The following SF3A3 variants were observed in gnomAD, a reference collection of about 807,000 sequenced individuals.
SF3A3 encodes SAP 61.
Under a neutral mutation model 85.8 loss-of-function variants are expected in SF3A3, and 9 were observed. The observed-to-expected ratio is 0.10, with a 90% CI of 0.06 to 0.18. The LOEUF (loss-of-function observed/expected upper bound fraction) is 0.18, where lower values mean the gene tolerates loss of function less well. SF3A3 is among the 10% of genes least tolerant of loss of function. The pLI, the probability that SF3A3 is intolerant of heterozygous loss-of-function variation, is 1.00. For missense variants in SF3A3, 306 were observed against 593.3 expected, an observed-to-expected ratio of 0.52 and a Z score of 5.03; for synonymous variants, 195 against 204.4, an observed-to-expected ratio of 0.95 and a Z score of 0.39.
At chr1:37,972,908 C>T (rs969053147) in intron 12 of SF3A3, among the ~76,000 whole-genome samples, 6 of 152,100 alleles carry the variant, frequency 3.9e-5, no homozygotes, top group Non-Finnish European at 5.9e-5. Flanking sequence ...GGGCCGGGTG[C>T]GGTGGCTCAC....
chr1:37,980,774 G>T, intron 7 of SF3A3, 50 bp from the exon 8 acceptor site: 3 of 1,481,406 alleles, frequency 2.0e-6, no homozygotes, highest in Non-Finnish European at 2.7e-6. Flanking sequence ...TTCTATTTTT[G>T]GTATCTTGTT....
At chr1:37,984,955 A>C (rs4615810) in intron 4 of SF3A3, among the ~76,000 whole-genome samples, 176 bp from the exon 5 acceptor site, 1 of 152,158 alleles carries the variant, frequency 6.6e-6, no homozygotes, top group Non-Finnish European at 1.5e-5. Flanking sequence ...TTATAGGCAC[A>C]CACCACCACG....
Position 37,989,569 on chromosome 1 carries a change from G to C in SF3A3, c.123C>G (p.His41Gln), listed in dbSNP as rs1023496152. The change falls in exon 2 of 17, where the codon CAC becomes CAG. Residue 41 changes from histidine (H) to glutamine (Q), a missense_variant. This residue lies in a region of SF3A3 where 152 missense variants were observed against 192.0 expected (regional missense o/e 0.79). Coordinates refer to ENST00000373019, the MANE Select transcript of SF3A3 (RefSeq NM_006802.4). ...TCACATCTTGCATGGCCCGAGTGCG[G>C]TGATCAGAATTGATCTGGTCCCGGA... ...STLRDQINSD[H>Q]RTRAMQDRYM... 6.2e-7 allele frequency: 1 copy of C among 1,613,964 alleles called. No individual in the cohort carries two copies. The highest frequency in any genetic ancestry group is 1.3e-5 in the African/African-American group (1 of 74,922).
intron 6 of SF3A3, among the ~76,000 whole-genome samples, chr1:37,983,731 T>C (rs1157427908): frequency 6.6e-6 from 1 of 151,908 alleles, no homozygotes. Flanking sequence ...GGTCAGGAGT[T>C]TGTGACCAGC....
At chr1:37,974,323 G>A (rs1395030266) in intron 12 of SF3A3, among the ~76,000 whole-genome samples, 1 of 109,720 alleles carries the variant, frequency 9.1e-6, no homozygotes, top group Non-Finnish European at 1.8e-5. Flanking sequence ...TTTTTTTTGA[G>A]ATGGAGTCTT....
chr1:37,959,532 C>T (rs1237508396), intron 16 of SF3A3, among the ~76,000 whole-genome samples: 2 of 152,084 alleles, frequency 1.3e-5, no homozygotes, highest in African/African-American at 4.8e-5. Flanking sequence ...TGCCTCAGTC[C>T]CAATTAGCTG....
intron 2 of SF3A3, 68 bp from the exon 3 acceptor site, chr1:37,987,904 A>G (rs10890285): frequency 2.3e-6 from 3 of 1,297,826 alleles, no homozygotes; most frequent in South Asian, 1.2e-5. Flanking sequence ...GCAAACAACA[A>G]GGGTTCTCCA....
chr1:37,979,134 G>A, intron 9 of SF3A3, 79 bp from the exon 10 acceptor site: 2 of 1,154,152 alleles, frequency 1.7e-6, no homozygotes, highest in South Asian at 1.2e-5. Flanking sequence ...GAGGGTGGGT[G>A]TTCCTGAGGC....
chr1:37,973,143 C>T (rs1646354903), intron 12 of SF3A3, among the ~76,000 whole-genome samples: 1 of 152,024 alleles, frequency 6.6e-6, no homozygotes, highest in Non-Finnish European at 1.5e-5. Flanking sequence ...CATGCCACTA[C>T]ACTCCAGCCT....
intron 1 of SF3A3, 47 bp downstream of exon 1, chr1:37,989,819 CGGGA>C (rs749993502): frequency 1.3e-4 from 195 of 1,454,174 alleles, no homozygotes; most frequent in Non-Finnish European, 1.8e-4. Flanking sequence ...AGGTCAAACA[CGGGA>C]TAGAGGCTCG....
chr1:37,989,108 G>C (rs1486079034), intron 2 of SF3A3, among the ~76,000 whole-genome samples: 1 of 151,864 alleles, frequency 6.6e-6, no homozygotes, highest in Non-Finnish European at 1.5e-5. Flanking sequence ...TGACCAACAT[G>C]TTTAGTAGAA....
intron 15 of SF3A3, 121 bp from the exon 16 acceptor site, chr1:37,960,296 T>G: frequency 1.1e-6 from 1 of 877,178 alleles, no homozygotes; most frequent in Non-Finnish European, 1.8e-6. Context: ...TTGAGATTCT[T>G]GCCTACCCCA....
chr1:37,984,057 G>A, intron 6 of SF3A3, 112 bp downstream of exon 6: 1 of 555,170 alleles, frequency 1.8e-6, no homozygotes, highest in South Asian at 2.7e-5. Flanking sequence ...TTACATAAGA[G>A]TTTTAAAACA....
chr1:37,989,074 G>A (rs1451076747), intron 2 of SF3A3, among the ~76,000 whole-genome samples: 2 of 151,874 alleles, frequency 1.3e-5, no homozygotes, highest in African/African-American at 2.4e-5. Flanking sequence ...GGTGGATCAC[G>A]AGGTCAGGAG....
Position 37,957,984 on chromosome 1 carries a change from G to T in SF3A3, c.*202C>A. 1 of 553,578 alleles carries T rather than the reference G, an allele frequency of 1.8e-6. No homozygotes were observed. 34.3% of individuals were successfully genotyped at this position (553,578 alleles called of 1,614,324 possible). A position where few individuals can be genotyped will look rare whatever the true frequency, so the allele number is the denominator to read the frequency against. On this transcript the variant is annotated 3_prime_UTR_variant, in exon 17 of 17. Coordinates refer to ENST00000373019, the MANE Select transcript of SF3A3 (RefSeq NM_006802.4). ...AGAACAAGGTCTGGTTTTATTTTCT[G>T]GCAGAATCTTTTAAAATATAAAACA...
In SF3A3 at chr1:37,976,927, G is replaced by C; in HGVS notation, c.962C>G (p.Ala321Gly). The change falls in exon 12 of 17, where the codon GCT (alanine) becomes GGT (glycine). Residue 321 changes from alanine (A) to glycine (G), a missense_variant. By Grantham distance (60) the Ala-to-Gly change is moderately conservative. Around this residue, in one of 4 missense-constraint regions of SF3A3, gnomAD observed 136 missense variants for 296.6 expected, o/e 0.46. Coordinates refer to ENST00000373019, the MANE Select transcript of SF3A3 (RefSeq NM_006802.4). ...TTCATAGATCTGGGCTTCTAGAAAA[G>C]CAATGTCTTTGTTCCTTTCAGTGTC... ...KRDTERNKDI[A>G]FLEAQIYEYV... 1 of 1,609,582 alleles carries C rather than the reference G, an allele frequency of 6.2e-7. No individual in the cohort carries two copies. Among genetic ancestry groups the C allele is most frequent in the Non-Finnish European group, 8.5e-7 (1 of 1,176,098 alleles).
chr1:37,973,912 T>A (rs1365220179), intron 12 of SF3A3, among the ~76,000 whole-genome samples: 1 of 152,168 alleles, frequency 6.6e-6, no homozygotes, highest in Non-Finnish European at 1.5e-5. Flanking sequence ...TAAAAAAGGA[T>A]GAGTTCGTGT....
intron 15 of SF3A3, among the ~76,000 whole-genome samples, chr1:37,963,872 T>TTA (rs1553164860): frequency 3.7e-5 from 3 of 81,832 alleles, no homozygotes; most frequent in Non-Finnish European, 4.3e-5. Flanking sequence ...ATGATATTCT[T>TTA]AAAAAAAAAA....
chr1:37,964,522 C>T lies in SF3A3; in HGVS notation c.1372+3522G>A, dbSNP rs144980945. Among the ~76,000 whole-genome samples the T allele has an allele frequency of 8.3e-3, 1,269 of 152,064 alleles. 11 individuals are homozygous for T. The highest frequency in any genetic ancestry group is 0.014 in the Non-Finnish European group (973 of 67,982). On this transcript the variant is annotated intron_variant, in intron 15 of 16. Transcript: ENST00000373019. ...CTCGGAAGGCTGAGGCAGGAGAAAT[C>T]GCTTGGAACCAGGAGGTGGAGATTG...
Sources: gnomAD v4.1 joint callset for allele counts (sites outside exome capture counted in the v4.1 genomes callset) on GRCh38, gnomAD v4.1.1 for gene constraint, gnomAD v4.1.1 regional missense constraint, MANE v1.5 for transcripts, NCBI Gene and HGNC (gene_info 2026-07-23, HGNC 2026-07-21) for gene names.